The following COL19A1 variants were observed in gnomAD, a reference collection of about 807,000 sequenced individuals.
COL19A1 encodes collagen alpha-1(XIX) chain.
Under a neutral mutation model 190.2 loss-of-function variants are expected in COL19A1, and 159 were observed. The observed-to-expected ratio is 0.84, with a 90% CI of 0.73 to 0.95. COL19A1 has a LOEUF of 0.95. COL19A1 is among the 40% of genes least tolerant of loss of function. COL19A1 has a pLI of 0.00. For synonymous variants in COL19A1, 509 were observed against 458.9 expected (o/e 1.11, Z -1.39); for missense variants, 1,418 against 1,431.9 (o/e 0.99, Z 0.16).
chr6:69,998,831 T>G (rs1320088245), intron 11 of COL19A1, among the ~76,000 whole-genome samples: 1 of 152,200 alleles, frequency 6.6e-6, no homozygotes, highest in East Asian at 1.9e-4. Context: ...AATATTTTGC[T>G]GTATTTGTTT....
chr6:70,175,077 T>A (rs1765723136), intron 41 of COL19A1, among the ~76,000 whole-genome samples: 1 of 152,238 alleles, frequency 6.6e-6, no homozygotes, highest in Non-Finnish European at 1.5e-5. Flanking sequence ...ATTTTAAAAA[T>A]GAAAATTTTG....
intron 4 of COL19A1, among the ~76,000 whole-genome samples, chr6:69,925,495 A>G (rs1772309674): frequency 2.6e-5 from 4 of 152,114 alleles, no homozygotes; most frequent in Admixed American, 2.0e-4. Context: ...GTAGCCTTGT[A>G]GTATAGTTTG....
chr6:70,170,029 T>C (rs1479755830), intron 40 of COL19A1, among the ~76,000 whole-genome samples: 2 of 152,114 alleles, frequency 1.3e-5, no homozygotes, highest in African/African-American at 4.8e-5. Flanking sequence ...TTTGAAGAGA[T>C]TAGTCTTCAA....
rs6937501 is a variant in COL19A1 at position 70,211,824 on chromosome 6, C to T, written c.*4550C>T. Among the ~76,000 whole-genome samples, 1,129 of 151,798 alleles carry T rather than the reference C, an allele frequency of 7.4e-3. 20 individuals are homozygous for T. Among genetic ancestry groups the T allele is most frequent in the African/African-American group, 0.026 (1,065 of 41,386 alleles). ...CAAGTGAACACAGAGAAAACTTATT[C>T]GGACAAGTAGACCCAGCACAGCAAA... On this transcript the variant is annotated 3_prime_UTR_variant, in exon 51 of 51. Transcript: ENST00000620364.
chr6:70,059,774 A>G (rs1038261471), intron 14 of COL19A1: 1 of 527,598 alleles, frequency 1.9e-6, no homozygotes, highest in Non-Finnish European at 3.9e-6. Context: ...GCTAAATCCA[A>G]TCTCAAATGT....
At chr6:70,180,145 C>T (rs1254128935) in intron 42 of COL19A1, among the ~76,000 whole-genome samples, 167 bp from the exon 43 acceptor site, 1 of 152,188 alleles carries the variant, frequency 6.6e-6, no homozygotes, top group Non-Finnish European at 1.5e-5. Flanking sequence ...CTCAGCGTCC[C>T]AAAGTGCTGG....
intron 11 of COL19A1, among the ~76,000 whole-genome samples, chr6:69,988,095 A>G (rs1776406722): frequency 6.6e-6 from 1 of 152,218 alleles, no homozygotes; most frequent in Admixed American, 6.5e-5. Flanking sequence ...TGTTTTTTAA[A>G]GAAGTTTTAA....
At chr6:70,169,951 G>C (rs1222457392) in intron 40 of COL19A1, among the ~76,000 whole-genome samples, 1 of 151,956 alleles carries the variant, frequency 6.6e-6, no homozygotes, top group Non-Finnish European at 1.5e-5. Context: ...TTATAATAAA[G>C]GATAAATTAT....
chr6:69,869,781 C>T (rs1188433820), intron 1 of COL19A1, among the ~76,000 whole-genome samples: 2 of 152,062 alleles, frequency 1.3e-5, no homozygotes, highest in Non-Finnish European at 2.9e-5. Context: ...GTAAAACAGA[C>T]AAGTTGATGA....
Position 70,146,897 on chromosome 6 carries a change from A to G in COL19A1, c.1893+8A>G. 6.4e-7 allele frequency: 1 copy of G among 1,563,500 alleles called. No individual in the cohort carries two copies. Among genetic ancestry groups the G allele is most frequent in the Non-Finnish European group, 8.6e-7 (1 of 1,161,676 alleles). On this transcript the variant is annotated splice_region_variant and intron_variant, in intron 27 of 50. Transcript: ENST00000620364. ...GGAATTCCTGGCAGAACAGTAAGTG[A>G]AATTCATTCGAGTCCTTGTTGATTC...
intron 2 of COL19A1, among the ~76,000 whole-genome samples, chr6:69,892,938 A>G (rs768599670): frequency 7.9e-5 from 12 of 152,250 alleles, no homozygotes; most frequent in East Asian, 1.9e-4. Flanking sequence ...CTATATTACC[A>G]TAAGTTGAGG....
rs1423486899 is a variant in COL19A1 at position 70,035,887 on chromosome 6, T to C, written c.1135-17T>C. On this transcript the variant is annotated splice_polypyrimidine_tract_variant and intron_variant, in intron 13 of 50. Transcript: ENST00000620364. ...AGGGACTAGTGGTAATTGTAGCTTT[T>C]CTTTAATCTATTTTAGGGAGATACA... The C allele has an allele frequency of 6.2e-7, 1 of 1,611,044 alleles. No homozygotes were observed. Among genetic ancestry groups the C allele is most frequent in the Admixed American group, 1.7e-5 (1 of 59,884 alleles).
At chr6:69,923,710 G>A (rs977331782) in intron 4 of COL19A1, among the ~76,000 whole-genome samples, 6 of 152,128 alleles carry the variant, frequency 3.9e-5, no homozygotes, top group African/African-American at 1.4e-4. Context: ...CTATGTTACA[G>A]GGCTGTGTGA....
At chr6:70,027,950 T>C (rs927349689) in intron 12 of COL19A1, among the ~76,000 whole-genome samples, 1 of 152,154 alleles carries the variant, frequency 6.6e-6, no homozygotes, top group Non-Finnish European at 1.5e-5. Context: ...ACTTAGCCTC[T>C]CTGTGCCTCA....
intron 4 of COL19A1, among the ~76,000 whole-genome samples, chr6:69,924,371 T>C (rs1772210912): frequency 1.3e-5 from 2 of 152,104 alleles, no homozygotes; most frequent in African/African-American, 2.4e-5. Context: ...TTTGTTCTTG[T>C]GATAGTTTGC....
intron 14 of COL19A1, among the ~76,000 whole-genome samples, chr6:70,042,153 T>C (rs994680695): frequency 1.3e-5 from 2 of 152,136 alleles, no homozygotes; most frequent in Non-Finnish European, 2.9e-5. Flanking sequence ...GAAATGTAAA[T>C]GTGCGATGCA....
intron 19 of COL19A1, among the ~76,000 whole-genome samples, chr6:70,139,357 T>C (rs1786094076): frequency 6.6e-6 from 1 of 152,180 alleles, no homozygotes; most frequent in African/African-American, 2.4e-5. Context: ...GCTTTCTTTC[T>C]GGCTAACTTT....
intron 2 of COL19A1, among the ~76,000 whole-genome samples, chr6:69,887,923 G>C (rs761074053): frequency 3.0e-4 from 46 of 152,324 alleles, no homozygotes; most frequent in African/African-American, 5.3e-4. Flanking sequence ...CTCCATCTCA[G>C]TGGGCAGCCT....
chr6:69,868,795 G>C (rs374955217), intron 1 of COL19A1, among the ~76,000 whole-genome samples: 1 of 152,112 alleles, frequency 6.6e-6, no homozygotes, highest in African/African-American at 2.4e-5. Context: ...TCTACTTTCT[G>C]GTCCTCCAGT....
Sources: gnomAD v4.1 joint callset for allele counts (sites outside exome capture counted in the v4.1 genomes callset) on GRCh38, gnomAD v4.1.1 for gene constraint, MANE v1.5 for transcripts, NCBI Gene and HGNC (gene_info 2026-07-23, HGNC 2026-07-21) for gene names.